The following AFF4 variants were observed in gnomAD, a reference collection of about 807,000 sequenced individuals.
AFF4 encodes the protein ALF transcription elongation factor 4.
A neutral mutation model predicts 124.8 loss-of-function variants in AFF4; 13 were observed. The observed-to-expected ratio is 0.10, with a 90% CI of 0.07 to 0.17. The LOEUF (loss-of-function observed/expected upper bound fraction) is 0.17, where lower values mean the gene tolerates loss of function less well. Ranked by LOEUF, AFF4 falls within the 10% of genes least tolerant of loss-of-function variation. The probability of loss-of-function intolerance (pLI) is 1.00; values close to 1 mark genes in which losing one functional copy is unlikely to be tolerated. For synonymous variants in AFF4, 477 were observed against 496.1 expected, an observed-to-expected ratio of 0.96 and a Z score of 0.51; for missense variants, 1,092 against 1,403.8, an observed-to-expected ratio of 0.78 and a Z score of 3.55.
chr5:132,946,460 G>A (rs150056039), intron 1 of AFF4, among the ~76,000 whole-genome samples: 309 of 152,136 alleles, frequency 2.0e-3, no homozygotes, highest in African/African-American at 7.0e-3. Context: ...AGCAAAATGT[G>A]GTATATATAC....
At chr5:132,957,738 T>C (rs933348046) in intron 1 of AFF4, among the ~76,000 whole-genome samples, 2 of 151,584 alleles carry the variant, frequency 1.3e-5, no homozygotes, top group Admixed American at 6.6e-5. Flanking sequence ...TCTCAAATAA[T>C]AGAAATAAAA....
intron 1 of AFF4, among the ~76,000 whole-genome samples, chr5:132,948,206 A>G (rs958761523): frequency 2.0e-5 from 3 of 151,996 alleles, no homozygotes; most frequent in Non-Finnish European, 2.9e-5. Flanking sequence ...ACCCGCCAAC[A>G]TGTCTGGCTA....
At position 132,937,122 on chromosome 5, in the gene AFF4, T is replaced by A; in HGVS notation, c.68A>T (p.Gln23Leu). 1.2e-6 allele frequency: 2 copies of A among 1,614,026 alleles called. No homozygotes were observed. The highest frequency in any genetic ancestry group is 2.2e-5 in the South Asian group (2 of 91,078). Reference protein sequence around the residue: ...ERERRNQEIQQGEDAFPPSSP... With the variant: ...ERERRNQEIQLGEDAFPPSSP... Reference sequence around the variant, plus strand: ...GCTAGGTGGGAAGGCGTCTTCGCCCTGCTGAATTTCCTGATTCCGCCTTTC... The same window carrying A: ...GCTAGGTGGGAAGGCGTCTTCGCCCAGCTGAATTTCCTGATTCCGCCTTTC... Residue 23 changes from glutamine to leucine, a missense_variant, in exon 2 of 21, where the codon CAG becomes CTG. Coordinates refer to ENST00000265343, the MANE Select transcript of AFF4 (RefSeq NM_014423.4).
intron 1 of AFF4, among the ~76,000 whole-genome samples, chr5:132,961,225 C>T (rs1005271594): frequency 4.0e-5 from 6 of 150,154 alleles, no homozygotes; most frequent in South Asian, 2.1e-4. Context: ...CTGCAACCTT[C>T]GCCTCCCAGT....
intron 5 of AFF4, among the ~76,000 whole-genome samples, chr5:132,908,757 C>CATATAT (rs1206698351): frequency 5.6e-4 from 76 of 136,150 alleles, no homozygotes; most frequent in African/African-American, 1.9e-3. Flanking sequence ...TATATATATA[C>CATATAT]ATATATATAT....
chr5:132,900,448 C>T (rs1760522024), intron 7 of AFF4, among the ~76,000 whole-genome samples: 1 of 151,718 alleles, frequency 6.6e-6, no homozygotes, highest in Non-Finnish European at 1.5e-5. Context: ...TCCTAGCTAC[C>T]CAGGAGGATG....
At chr5:132,940,368 G>A (rs1158233969) in intron 1 of AFF4, among the ~76,000 whole-genome samples, 2 of 151,430 alleles carry the variant, frequency 1.3e-5, no homozygotes, top group East Asian at 3.9e-4. Flanking sequence ...GGGCGTGGCG[G>A]TGGGCGCCTG....
chr5:132,955,444 G>A (rs920541880), intron 1 of AFF4, among the ~76,000 whole-genome samples: 7 of 152,096 alleles, frequency 4.6e-5, no homozygotes, highest in African/African-American at 9.7e-5. Flanking sequence ...AAGCTCAGAC[G>A]GTAATGCTCA....
intron 1 of AFF4, among the ~76,000 whole-genome samples, chr5:132,959,106 A>G (rs1354848908): frequency 1.3e-5 from 2 of 151,538 alleles, no homozygotes; most frequent in Admixed American, 1.3e-4. Flanking sequence ...GCCTTCTGTC[A>G]GAACATTCCT....
intron 11 of AFF4, 77 bp from the exon 12 acceptor site, chr5:132,893,195 G>T: frequency 8.7e-7 from 1 of 1,144,752 alleles, no homozygotes; most frequent in Non-Finnish European, 1.3e-6. Flanking sequence ...CCCACAAAGA[G>T]TTTATCCATG....
intron 5 of AFF4, among the ~76,000 whole-genome samples, chr5:132,918,720 G>A (rs889201698): frequency 2.0e-5 from 3 of 151,992 alleles, no homozygotes; most frequent in Admixed American, 2.0e-4. Context: ...AAACAATACT[G>A]AAAGAAATTA....
intron 11 of AFF4, 103 bp from the exon 12 acceptor site, chr5:132,893,221 G>T: frequency 1.1e-6 from 1 of 909,572 alleles, no homozygotes; most frequent in Non-Finnish European, 1.8e-6. Flanking sequence ...GCATCAGAAA[G>T]AAGATAAAAG....
intron 5 of AFF4, among the ~76,000 whole-genome samples, chr5:132,922,867 T>A (rs1027975707): frequency 2.0e-5 from 3 of 149,252 alleles, no homozygotes; most frequent in African/African-American, 7.4e-5. Flanking sequence ...CATAACTGAA[T>A]ATTACCTTAG....
intron 5 of AFF4, chr5:132,926,313 G>A: frequency 2.5e-6 from 1 of 402,670 alleles, no homozygotes; most frequent in Non-Finnish European, 4.9e-6. Flanking sequence ...ATGTATTTCT[G>A]TATTATTTGT....
chr5:132,878,769 T>C lies in AFF4; in HGVS notation c.*2290A>G, dbSNP rs1344691315. On this transcript the variant is annotated 3_prime_UTR_variant, in exon 21 of 21. Coordinates refer to ENST00000265343, the MANE Select transcript of AFF4 (RefSeq NM_014423.4). Reference sequence around the variant, plus strand: ...ATAAACCATGCAGGAAACTCTGCTTTAACAAAATATCAGTGTGACCCCAAA... The same window carrying C: ...ATAAACCATGCAGGAAACTCTGCTTCAACAAAATATCAGTGTGACCCCAAA... 1.8e-5 allele frequency: 4 copies of C among 224,740 alleles called. No individual in the cohort carries two copies. The highest frequency in any genetic ancestry group is 2.7e-5 in the Non-Finnish European group (3 of 112,636). 13.9% of individuals were successfully genotyped at this position (224,740 alleles called of 1,614,324 possible).
At chr5:132,952,004 CCA>C (rs1343677465) in intron 1 of AFF4, among the ~76,000 whole-genome samples, 1 of 152,184 alleles carries the variant, frequency 6.6e-6, no homozygotes, top group Non-Finnish European at 1.5e-5. Context: ...CACTGTGTAT[CCA>C]CACAGTTTAC....
chr5:132,920,009 A>G (rs1392530607), intron 5 of AFF4, among the ~76,000 whole-genome samples: 1 of 151,910 alleles, frequency 6.6e-6, no homozygotes, highest in Non-Finnish European at 1.5e-5. Context: ...AGTCTAGGAA[A>G]CAACATAGGA....
In AFF4 at chr5:132,877,306, G is replaced by A. The variant is rs1759861780; in HGVS notation, c.*3753C>T. 4.7e-6 allele frequency: 1 copy of A among 211,678 alleles called. No individual in the cohort carries two copies. The highest frequency in any genetic ancestry group is 9.6e-6 in the Non-Finnish European group (1 of 104,456). 13.1% of individuals were successfully genotyped at this position (211,678 alleles called of 1,614,324 possible). ...GTAAGAGCCCTACGACACTACAGAA[G>A]GGCTCAAATACATTTTAAAAGTTAA... On this transcript the variant is annotated 3_prime_UTR_variant, in exon 21 of 21. Coordinates refer to ENST00000265343, the MANE Select transcript of AFF4 (RefSeq NM_014423.4).
chr5:132,923,996 C>T (rs1439105458), intron 5 of AFF4, among the ~76,000 whole-genome samples: 2 of 152,154 alleles, frequency 1.3e-5, no homozygotes, highest in Non-Finnish European at 2.9e-5. Context: ...TGGCTCACGC[C>T]TGTGATCCCA....
Sources: allele counts gnomAD v4.1 joint callset (sites outside exome capture counted in the v4.1 genomes callset), GRCh38; gene constraint gnomAD v4.1.1; transcripts MANE v1.5; gene names NCBI Gene and HGNC (gene_info 2026-07-23, HGNC 2026-07-21).